Variants in PDGFD observed in about 807,000 individuals in gnomAD.
PDGFD encodes platelet-derived growth factor D.
Under a neutral mutation model 44.7 loss-of-function variants are expected in PDGFD, and 30 were observed. That is an observed-to-expected ratio of 0.67 (90% CI 0.50 to 0.91). The LOEUF (loss-of-function observed/expected upper bound fraction) is 0.91. Ranked by LOEUF, PDGFD falls within the 40% of genes least tolerant of loss-of-function variation. The pLI, the probability that PDGFD is intolerant of heterozygous loss-of-function variation, is 0.00. For missense variants in PDGFD, 445 were observed against 457.8 expected (o/e 0.97, Z 0.25); for synonymous variants, 173 against 168.4 (o/e 1.03, Z -0.21).
chr11:104,027,304 T>C (rs117090007), intron 1 of PDGFD, among the ~76,000 whole-genome samples: 102 of 152,340 alleles, frequency 6.7e-4, no homozygotes, highest in Non-Finnish European at 1.4e-3. Flanking sequence ...TTCTAGTCAA[T>C]AAGGAGTTAA....
chr11:104,077,988 G>A (rs911569877), intron 1 of PDGFD, among the ~76,000 whole-genome samples: 5 of 152,186 alleles, frequency 3.3e-5, no homozygotes, highest in African/African-American at 7.2e-5. Flanking sequence ...TCCCAAGTCC[G>A]CTCTTGTCTC....
intron 1 of PDGFD, among the ~76,000 whole-genome samples, chr11:104,101,764 A>G (rs1008407691): frequency 3.9e-5 from 6 of 151,966 alleles, no homozygotes; most frequent in Admixed American, 1.3e-4. Context: ...GCCCCCAGAA[A>G]TAATGCCGCA....
chr11:104,130,410 G>A (rs1861904733), intron 1 of PDGFD, among the ~76,000 whole-genome samples: 2 of 152,128 alleles, frequency 1.3e-5, no homozygotes, highest in South Asian at 4.1e-4. Flanking sequence ...CAGCAGTGCT[G>A]ACAGTGGTGC....
At chr11:103,975,220 T>C (rs1481956790) in intron 3 of PDGFD, among the ~76,000 whole-genome samples, 2 of 152,254 alleles carry the variant, frequency 1.3e-5, no homozygotes, top group Non-Finnish European at 2.9e-5. Context: ...GTGGTTTTGC[T>C]TTGCATTTCT....
At chr11:104,119,697 AT>A (rs1184661928) in intron 1 of PDGFD, among the ~76,000 whole-genome samples, 7 of 77,966 alleles carry the variant, frequency 9.0e-5, no homozygotes, top group East Asian at 1.2e-3. Context: ...ATAATATATA[AT>A]ATCTATTAAT....
intron 3 of PDGFD, among the ~76,000 whole-genome samples, chr11:103,984,198 G>A (rs572899615): frequency 2.3e-4 from 35 of 151,716 alleles, no homozygotes; most frequent in African/African-American, 8.5e-4. Context: ...ACAAAATGTG[G>A]TATATATACA....
chr11:104,139,977 G>A lies in PDGFD; in HGVS notation c.124+23827C>T, dbSNP rs1862062379. ...CGGGAGGCTGAGGCAGGAGAATGGCGTGAACCCAGGAAGTGGAGCTTGCAG... is the reference window on the plus strand; with the variant it reads ...CGGGAGGCTGAGGCAGGAGAATGGCATGAACCCAGGAAGTGGAGCTTGCAG... On this transcript the variant is annotated intron_variant, in intron 1 of 6. Transcript: ENST00000393158. Among the ~76,000 whole-genome samples, 3 of 56,370 alleles carry A rather than the reference G, an allele frequency of 5.3e-5. 1 individual carries two copies. Among genetic ancestry groups the A allele is most frequent in the African/African-American group, 2.2e-4 (2 of 9,260 alleles). 37.0% of individuals were successfully genotyped at this position (56,370 alleles called of 152,430 possible).
Position 104,103,448 on chromosome 11 carries a change from A to ATGTGTGTGTGTGTGTG in PDGFD, c.124+60355_124+60356insCACACACACACACACA, listed in dbSNP as rs377722057. ...AATATTCAAATAAAAACAGACAATT[A>ATGTGTGTGTGTGTGTG]TGTGTGTGTGTGTGTATATATATAT... On this transcript the variant is annotated intron_variant, in intron 1 of 6. Transcript: ENST00000393158. Among the ~76,000 whole-genome samples, 140 of 123,110 alleles carry ATGTGTGTGTGTGTGTG rather than the reference A, an allele frequency of 1.1e-3. 1 individual carries two copies. The highest frequency in any genetic ancestry group is 3.6e-3 in the African/African-American group (116 of 32,320). 80.8% of individuals were successfully genotyped at this position (123,110 alleles called of 152,430 possible). A position where few individuals can be genotyped will look rare whatever the true frequency, so the allele number is the denominator to read the frequency against.
chr11:103,985,431 C>T (rs1859348563), intron 3 of PDGFD, among the ~76,000 whole-genome samples: 1 of 151,236 alleles, frequency 6.6e-6, no homozygotes, highest in Non-Finnish European at 1.5e-5. Flanking sequence ...GAACTCCTGG[C>T]CTCAAGTAAT....
intron 3 of PDGFD, among the ~76,000 whole-genome samples, chr11:103,952,745 C>T (rs1056608208): frequency 7.9e-5 from 12 of 152,262 alleles, no homozygotes; most frequent in Middle Eastern, 3.4e-3. Context: ...ATCTGCATTG[C>T]CTTAATTAAT....
intron 3 of PDGFD, among the ~76,000 whole-genome samples, chr11:103,975,317 G>T (rs914273659): frequency 3.3e-5 from 5 of 152,010 alleles, no homozygotes; most frequent in African/African-American, 4.8e-5. Context: ...TCATATCATT[G>T]CCCACTTTTT....
At chr11:104,037,848 C>A in intron 1 of PDGFD, 1 of 1,614,114 alleles carries the variant, frequency 6.2e-7, no homozygotes. Context: ...AATGTTCCAT[C>A]GATTTGAAGA....
chr11:103,922,696 C>A (rs1013469805), intron 6 of PDGFD, among the ~76,000 whole-genome samples: 8 of 152,070 alleles, frequency 5.3e-5, no homozygotes, highest in Non-Finnish European at 1.0e-4. Flanking sequence ...ACCACAGACA[C>A]ATCCTCCACA....
chr11:104,074,027 G>T (rs936231070), intron 1 of PDGFD, among the ~76,000 whole-genome samples: 2 of 152,156 alleles, frequency 1.3e-5, no homozygotes, highest in Non-Finnish European at 2.9e-5. Context: ...CTTTGCCAGT[G>T]GAGCAATGGC....
chr11:104,058,287 T>C (rs1306866355), intron 1 of PDGFD, among the ~76,000 whole-genome samples: 2 of 152,212 alleles, frequency 1.3e-5, no homozygotes, highest in Non-Finnish European at 2.9e-5. Context: ...AAACACGTTA[T>C]ACATTCACCG....
chr11:104,130,600 T>A (rs1221011774), intron 1 of PDGFD, among the ~76,000 whole-genome samples: 1 of 152,294 alleles, frequency 6.6e-6, no homozygotes, highest in Non-Finnish European at 1.5e-5. Context: ...TACTCAACTA[T>A]ACTAGCCTTC....
intron 1 of PDGFD, among the ~76,000 whole-genome samples, chr11:104,099,648 T>C (rs915373269): frequency 8.2e-5 from 12 of 145,736 alleles, no homozygotes; most frequent in Admixed American, 2.7e-4. Flanking sequence ...ATAATAATAA[T>C]AATAATAATA....
intron 4 of PDGFD, among the ~76,000 whole-genome samples, chr11:103,944,427 C>T (rs938079344): frequency 1.3e-5 from 2 of 152,064 alleles, no homozygotes; most frequent in Non-Finnish European, 2.9e-5. Flanking sequence ...TTCACTAACC[C>T]TTGTACAATC....
At chr11:104,035,636 C>T (rs894110415) in intron 1 of PDGFD, among the ~76,000 whole-genome samples, 6 of 134,568 alleles carry the variant, frequency 4.5e-5, no homozygotes, top group Admixed American at 8.2e-5. Flanking sequence ...TCCGTAGATT[C>T]ACATATGACT....
Sources: allele counts gnomAD v4.1 joint callset (sites outside exome capture counted in the v4.1 genomes callset), GRCh38; gene constraint gnomAD v4.1.1; transcripts MANE v1.5; gene names NCBI Gene and HGNC (gene_info 2026-07-23, HGNC 2026-07-21).